BBS9: variants seen among roughly 807,000 people sequenced by gnomAD.
BBS9 encodes Bardet-Biedl syndrome 9.
BBS9 carries 89 observed loss-of-function variants against 117.7 expected under a neutral mutation model. The observed-to-expected ratio is 0.76, with a 90% CI of 0.64 to 0.90. The LOEUF is 0.90. Ranked by LOEUF, BBS9 falls within the 40% of genes least tolerant of loss-of-function variation. The pLI is 0.00. For synonymous variants in BBS9, 379 were observed against 370.9 expected, an observed-to-expected ratio of 1.02 and a Z score of -0.25; for missense variants, 982 against 1,042.2, an observed-to-expected ratio of 0.94 and a Z score of 0.80.
At chr7:33,519,029 C>T (rs1848225581) in intron 20 of BBS9, among the ~76,000 whole-genome samples, 1 of 151,316 alleles carries the variant, frequency 6.6e-6, no homozygotes, top group Admixed American at 6.6e-5. Context: ...ATAGCCATGT[C>T]TTAAAATAGT....
chr7:33,475,693 T>C (rs965648101), intron 19 of BBS9, among the ~76,000 whole-genome samples: 8 of 152,146 alleles, frequency 5.3e-5, no homozygotes, highest in African/African-American at 1.7e-4. Context: ...CCCTTAGACA[T>C]AGACTTTTCA....
At chr7:33,379,655 A>G (rs543762541) in intron 17 of BBS9, among the ~76,000 whole-genome samples, 1 of 152,210 alleles carries the variant, frequency 6.6e-6, no homozygotes, top group South Asian at 2.1e-4. Flanking sequence ...TGTGAAAGTT[A>G]CTTGATTAGC....
chr7:33,327,663 C>T (rs1813136419), intron 9 of BBS9, among the ~76,000 whole-genome samples: 1 of 152,162 alleles, frequency 6.6e-6, no homozygotes, highest in South Asian at 2.1e-4. Flanking sequence ...CACTGCACTC[C>T]AGCCTGAGTG....
At chr7:33,264,451 G>T in intron 7 of BBS9, 77 bp downstream of exon 7, 5 of 879,078 alleles carry the variant, frequency 5.7e-6, no homozygotes, top group East Asian at 2.8e-5. Context: ...AATAATTCAT[G>T]GGAAGAAAAT....
chr7:33,307,620 A>G (rs140267844), intron 9 of BBS9, among the ~76,000 whole-genome samples: 67 of 152,248 alleles, frequency 4.4e-4, no homozygotes, highest in African/African-American at 1.5e-3. Context: ...CTTATAACCT[A>G]TGTACATCTT....
intron 19 of BBS9, among the ~76,000 whole-genome samples, chr7:33,434,361 T>C (rs1391800408): frequency 6.6e-6 from 1 of 151,976 alleles, no homozygotes; most frequent in Non-Finnish European, 1.5e-5. Flanking sequence ...TTTTTAGTAA[T>C]ATATTCATTA....
At chr7:33,179,208 AG>A (rs748531540) in intron 5 of BBS9, among the ~76,000 whole-genome samples, 1 of 152,214 alleles carries the variant, frequency 6.6e-6, no homozygotes, top group Non-Finnish European at 1.5e-5. Context: ...TTATAACATG[AG>A]AAAAAAGTGC....
intron 19 of BBS9, among the ~76,000 whole-genome samples, chr7:33,419,376 T>G (rs1048135496): frequency 2.0e-5 from 3 of 152,172 alleles, no homozygotes; most frequent in Admixed American, 6.5e-5. Context: ...GAAATAACCA[T>G]TCCTTGGTTA....
intron 19 of BBS9, among the ~76,000 whole-genome samples, chr7:33,439,699 T>C (rs150881404): frequency 0.018 from 2,786 of 152,210 alleles, 88 homozygotes; most frequent in African/African-American, 0.064. Context: ...CAGCTAATTT[T>C]TGTATTTTTA....
intron 21 of BBS9, among the ~76,000 whole-genome samples, chr7:33,553,342 T>C (rs1264082828): frequency 6.6e-5 from 10 of 152,216 alleles, no homozygotes; most frequent in Non-Finnish European, 4.4e-5. Flanking sequence ...GTGTCTGCCA[T>C]GTAATGGGTG....
chr7:33,281,723 T>C (rs1237442144), intron 9 of BBS9, among the ~76,000 whole-genome samples: 3 of 152,042 alleles, frequency 2.0e-5, no homozygotes, highest in Non-Finnish European at 4.4e-5. Flanking sequence ...AGGAATGATA[T>C]AGGGTGTTAT....
intron 19 of BBS9, among the ~76,000 whole-genome samples, chr7:33,476,305 G>A (rs888893677): frequency 6.6e-6 from 1 of 152,106 alleles, no homozygotes; most frequent in African/African-American, 2.4e-5. Flanking sequence ...ATAAAGCCAT[G>A]GTGGAAACCT....
chr7:33,355,841 A>G (rs1479379573), intron 15 of BBS9, among the ~76,000 whole-genome samples: 2 of 151,924 alleles, frequency 1.3e-5, no homozygotes, highest in African/African-American at 2.4e-5. Context: ...ATAATCTTCA[A>G]ATATATAGGC....
intron 21 of BBS9, among the ~76,000 whole-genome samples, chr7:33,564,835 T>C (rs1252983582): frequency 6.6e-6 from 1 of 152,202 alleles, no homozygotes; most frequent in Non-Finnish European, 1.5e-5. Context: ...AATTCATTGC[T>C]GGGAGATAAT....
intron 21 of BBS9, among the ~76,000 whole-genome samples, chr7:33,614,154 C>T (rs1164287783): frequency 6.6e-6 from 1 of 152,040 alleles, no homozygotes; most frequent in African/African-American, 2.4e-5. Context: ...AACTTCATGC[C>T]AGTAAATACA....
chr7:33,138,891 G>A (rs1791007498), intron 1 of BBS9, among the ~76,000 whole-genome samples: 1 of 151,188 alleles, frequency 6.6e-6, no homozygotes, highest in African/African-American at 2.4e-5. Flanking sequence ...GCCTTGCCAA[G>A]AAGGATGTAA....
chr7:33,510,922 G>A (rs1846859671), intron 20 of BBS9, among the ~76,000 whole-genome samples: 1 of 152,124 alleles, frequency 6.6e-6, no homozygotes, highest in African/African-American at 2.4e-5. Flanking sequence ...TTATACCATG[G>A]TGTTTGCATT....
chr7:33,407,089 G>A (rs915244928), intron 19 of BBS9, among the ~76,000 whole-genome samples: 25 of 152,200 alleles, frequency 1.6e-4, no homozygotes, highest in African/African-American at 5.5e-4. Flanking sequence ...CGTAGATTTG[G>A]TCTTTTCACA....
chr7:33,272,133 T>G (rs551157398), intron 7 of BBS9, among the ~76,000 whole-genome samples: 2 of 152,248 alleles, frequency 1.3e-5, no homozygotes. Context: ...AGCAAACTAA[T>G]GCAGGAACAG....
Sources: allele counts gnomAD v4.1 joint callset (sites outside exome capture counted in the v4.1 genomes callset), GRCh38; gene constraint gnomAD v4.1.1; transcripts MANE v1.5; gene names NCBI Gene and HGNC (gene_info 2026-07-23, HGNC 2026-07-21).